ERN2: variants seen among roughly 807,000 people sequenced by gnomAD.
ERN2 encodes the protein serine/threonine-protein kinase/endoribonuclease IRE2.
ERN2 carries 111 observed loss-of-function variants against 107.9 expected under a neutral mutation model. The ratio of observed to expected loss-of-function variants is 1.03; its 90% CI spans 0.88 to 1.20. ERN2 has a LOEUF of 1.20. Ranked by LOEUF, ERN2 falls within the 50% of genes most tolerant of loss-of-function variation. The pLI, the probability that ERN2 is intolerant of heterozygous loss-of-function variation, is 0.00. For missense variants in ERN2, 1,225 were observed against 1,197.9 expected (o/e 1.02, Z -0.33); for synonymous variants, 524 against 501.7 (o/e 1.04, Z -0.59).
chr16:23,712,128 A>G, intron 1 of ERN2: 1 of 414,170 alleles, frequency 2.4e-6, no homozygotes, highest in Non-Finnish European at 5.0e-6. Context: ...GGGCTGGGCC[A>G]CTGGTGTTGA....
At chr16:23,706,537 T>C in intron 6 of ERN2, 106 bp from the exon 7 acceptor site, 1 of 878,874 alleles carries the variant, frequency 1.1e-6, no homozygotes, top group South Asian at 1.6e-5. Flanking sequence ...GCACACAGCC[T>C]AGAGACCTGG....
chr16:23,690,958 C>G lies in ERN2; in HGVS notation c.2654G>C (p.Arg885Pro). The change falls in exon 22 of 22, where the codon CGC becomes CCC. Residue 885 changes from arginine to proline, a missense_variant. Arg to Pro is a moderately radical substitution (Grantham distance 103). Transcript: ENST00000256797. Reference sequence around the variant, plus strand: ...CGTGTGGAGGAGCAGCCGTGGGAAGCGGTTTGTGAAGTACTGGACGAAGCC... The same window carrying G: ...CGTGTGGAGGAGCAGCCGTGGGAAGGGGTTTGTGAAGTACTGGACGAAGCC... ...PDGFVQYFTN[R>P]FPRLLLHTHR... 6.2e-7 allele frequency: 1 copy of G among 1,614,112 alleles called. No homozygotes were observed. Among genetic ancestry groups the G allele is most frequent in the South Asian group, 1.1e-5 (1 of 91,086 alleles).
At position 23,691,401 on chromosome 16, in the gene ERN2, C is replaced by T. The variant is rs1309732987; in HGVS notation, c.2401G>A (p.Glu801Lys). Reference protein sequence around the residue: ...FQDVSDWLEKESEQEPLVRAL... With the variant: ...FQDVSDWLEKKSEQEPLVRAL... ...CTCACCAGGGGCTCCTGCTCGGACT[C>T]CTTCTCCAGCCAGTCACTGACGTCC... The change falls in exon 20 of 22, where the codon GAG (glutamate) becomes AAG (lysine). Residue 801 changes from glutamate to lysine, a missense_variant. Physicochemically the swap from Glu to Lys is moderately conservative, Grantham distance 56. Transcript: ENST00000256797. 1.4e-5 allele frequency: 22 copies of T among 1,599,534 alleles called. No homozygotes were observed. The highest frequency in any genetic ancestry group is 3.3e-4 in the Middle Eastern group (2 of 6,080).
At chr16:23,707,727 T>C (rs922048702) in intron 4 of ERN2, among the ~76,000 whole-genome samples, 1 of 151,404 alleles carries the variant, frequency 6.6e-6, no homozygotes, top group Non-Finnish European at 1.5e-5. Context: ...CAAAATAAAA[T>C]GAAACAAACA....
chr16:23,708,051 A>G (rs1233448500), intron 4 of ERN2, among the ~76,000 whole-genome samples: 1 of 152,124 alleles, frequency 6.6e-6, no homozygotes, highest in Non-Finnish European at 1.5e-5. Context: ...TGTCCTTGTC[A>G]CAAAGTCCTC....
Position 23,701,056 on chromosome 16 carries a change from G to GT in ERN2, c.1261dup (p.Thr421AsnfsTer17). 6.2e-7 allele frequency: 1 copy of GT among 1,614,200 alleles called. No individual in the cohort carries two copies. On this transcript the variant is annotated frameshift_variant, in exon 12 of 22. Transcript: ENST00000256797. LOFTEE classifies it high-confidence loss of function. ...TCCCAGCCCCAAGTAAGAGTCTGGA[G>GT]TTTTTTCTTCTGGATGCAGCTCGGA...
intron 1 of ERN2, 82 bp downstream of exon 1, chr16:23,713,013 G>A: frequency 4.5e-6 from 5 of 1,120,112 alleles, no homozygotes; most frequent in South Asian, 1.7e-5. Context: ...TGGCCCCGCC[G>A]CGCCCTCGCC....
chr16:23,700,704 G>A lies in ERN2; in HGVS notation c.1360C>T (p.Gln454Ter). 4.3e-6 allele frequency: 7 copies of A among 1,611,270 alleles called. No homozygotes were observed. The highest frequency in any genetic ancestry group is 5.9e-6 in the Non-Finnish European group (7 of 1,178,718). ...TGCTTCTCCACCACCTGCGGCTGTT[G>A]CTGTAACATGAGAGCCTAAGAGAGC... ...GGWILFVMRQ[Q>*]QPQVVEKQQE... is the part of the protein sequence containing the mutation. The change falls in exon 13 of 22, where the codon CAA (glutamine) becomes TAA (stop). Residue 454 changes from glutamine to a stop codon, truncating the protein, a stop_gained and splice_region_variant. Transcript: ENST00000256797. LOFTEE classifies it high-confidence loss of function.
At chr16:23,706,251 A>C in intron 7 of ERN2, 79 bp downstream of exon 7, 2 of 965,084 alleles carry the variant, frequency 2.1e-6, no homozygotes, top group Non-Finnish European at 3.0e-6. Context: ...GTGGCTGGGA[A>C]TTGGTCATGG....
chr16:23,691,378 C>T lies in ERN2; in HGVS notation c.2424G>A (p.Val808=). The change falls in exon 20 of 22, where the codon GTG becomes GTA. Residue 808 remains valine, a synonymous_variant. Transcript: ENST00000256797. ...LEKESEQEPL[V]RALEAGGCAV... is the part of the protein sequence containing the mutation. ...CGCAGCCTCCCGCCTCCAGTGCCCT[C>T]ACCAGGGGCTCCTGCTCGGACTCCT... The T allele has an allele frequency of 1.2e-6, 2 of 1,602,442 alleles. No individual in the cohort carries two copies. Among genetic ancestry groups the T allele is most frequent in the Non-Finnish European group, 1.7e-6 (2 of 1,179,870 alleles).
intron 13 of ERN2, among the ~76,000 whole-genome samples, chr16:23,698,808 G>A (rs187033502): frequency 1.6e-4 from 24 of 152,256 alleles, no homozygotes; most frequent in Admixed American, 8.5e-4. Context: ...TGCTGGTCTC[G>A]AACCCCTGAC....
In ERN2 at chr16:23,711,383, G is replaced by T. The variant is rs571952135; in HGVS notation, c.94-365C>A. 1.6e-3 allele frequency among the ~76,000 whole-genome samples: 241 copies of T among 152,214 alleles called. 2 individuals carry two copies. The highest frequency in any genetic ancestry group is 5.6e-3 in the African/African-American group (231 of 41,534). ...TCTTGTTGTTTTAATATAAGACAGG[G>T]TCTTGCTCTATTGCCCAGGCTGGAA... On this transcript the variant is annotated intron_variant, in intron 1 of 21. Transcript: ENST00000256797.
At chr16:23,713,020 C>A (rs1020830733) in intron 1 of ERN2, 75 bp downstream of exon 1, 1 of 1,202,120 alleles carries the variant, frequency 8.3e-7, no homozygotes, top group Non-Finnish European at 1.1e-6. Flanking sequence ...GCCGCGCCCT[C>A]GCCCCAAGTG....
At position 23,713,112 on chromosome 16, in the gene ERN2, C is replaced by A; in HGVS notation, c.76G>T (p.Gly26Trp). Residue 26 changes from glycine (G) to tryptophan (W), a missense_variant, in exon 1 of 22, where the codon GGG becomes TGG. Transcript: ENST00000256797. ...GCTCTCACCTGTGGACTCAGCGTCC[C>A]GAGCAGCAGCGCCGCGAACTGGAGC... ...LQLQFAALLLGTLSPQVHTLR... is the reference protein window; with the variant it reads ...LQLQFAALLLWTLSPQVHTLR... 4 of 1,576,224 alleles carry A rather than the reference C, an allele frequency of 2.5e-6. No individual in the cohort carries two copies. Among genetic ancestry groups the A allele is most frequent in the African/African-American group, 1.4e-5 (1 of 73,944 alleles).
intron 17 of ERN2, among the ~76,000 whole-genome samples, chr16:23,694,014 G>A (rs189370146): frequency 5.3e-5 from 8 of 152,074 alleles, no homozygotes; most frequent in Admixed American, 4.6e-4. Flanking sequence ...TTTGTTTTTT[G>A]AGAGAAAGAG....
chr16:23,710,231 AG>A lies in ERN2; in HGVS notation c.246del (p.Ser83LeufsTer19). On this transcript the variant is annotated frameshift_variant, in exon 4 of 22. Transcript: ENST00000256797. LOFTEE classifies it high-confidence loss of function. Reference sequence around the variant, plus strand: ...TACAGGCTGCCATCTGCTGGGTCAGAGAGAAAGGCCATTCTGTGGAGCAGAG... The same window carrying A: ...TACAGGCTGCCATCTGCTGGGTCAGAAGAAAGGCCATTCTGTGGAGCAGAG... ...GPMYVTEMAF[L>X]SDPADGSLYI... The A allele has an allele frequency of 6.2e-7, 1 of 1,613,954 alleles. No individual in the cohort carries two copies. The highest frequency in any genetic ancestry group is 2.2e-5 in the East Asian group (1 of 44,868).
Position 23,700,606 on chromosome 16 carries a change from G to A in ERN2, c.1458C>T (p.Ala486=). ...GAAGCCTCTTCTGGCTCCTCCGGCT[G>A]GCCCCCGAGTGCAGGGACTGGGCAT... ...SQDAQSLHSG[A]SRRSQKRLQS... Residue 486 remains alanine, a synonymous_variant, in exon 13 of 22, where the codon GCC becomes GCT. Coordinates refer to ENST00000256797, the MANE Select transcript of ERN2 (RefSeq NM_033266.4). 1 of 1,614,124 alleles carries A rather than the reference G, an allele frequency of 6.2e-7. No homozygotes were observed. Among genetic ancestry groups the A allele is most frequent in the Non-Finnish European group, 8.5e-7 (1 of 1,180,010 alleles).
rs748490620 is a variant in ERN2, at chr16:23,695,880, T to C, written c.1610+14A>G. The C allele has an allele frequency of 6.2e-7, 1 of 1,610,894 alleles. No homozygotes were observed. The highest frequency in any genetic ancestry group is 8.5e-7 in the Non-Finnish European group (1 of 1,177,312). On this transcript the variant is annotated intron_variant, in intron 14 of 21. Transcript: ENST00000256797. The stretch of plus-strand genomic sequence containing the variant: ...AGTGCCATGTCCCCAGCTTGGCTCC[T>C]GGCTGCCACTCACCGGAAAACGAAA...
In ERN2 at chr16:23,694,871, G is replaced by A. The variant is rs1959736033; in HGVS notation, c.1957C>T (p.Leu653=). The change falls in exon 17 of 22, where the codon CTG becomes TTG. Residue 653 remains leucine (L), a synonymous_variant. Transcript: ENST00000256797. ...AAGTCTGAGAGCACCACTCTGCCCA[G>A]GCCCTGGCTGTCAGGCCCGGTGATG... ...ILITGPDSQG[L]GRVVLSDFGL... is the part of the protein sequence containing the mutation. 1.9e-6 allele frequency: 3 copies of A among 1,614,234 alleles called. No individual in the cohort carries two copies. The highest frequency in any genetic ancestry group is 1.3e-5 in the African/African-American group (1 of 75,072).
Sources: allele counts gnomAD v4.1 joint callset (sites outside exome capture counted in the v4.1 genomes callset), GRCh38; gene constraint gnomAD v4.1.1; transcripts MANE v1.5; gene names NCBI Gene and HGNC (gene_info 2026-07-23, HGNC 2026-07-21).